The following HMBOX1 variants were observed in gnomAD, a reference collection of about 807,000 sequenced individuals.
The protein encoded by HMBOX1 is homeobox containing 1, also known as homeobox-containing protein 1.
Under a neutral mutation model 54.5 loss-of-function variants are expected in HMBOX1, and 14 were observed. The observed-to-expected ratio is 0.26, with a 90% CI of 0.17 to 0.40. HMBOX1 has a LOEUF of 0.40. HMBOX1 is among the 10% of genes least tolerant of loss of function. The probability of loss-of-function intolerance (pLI) is 1.00; values close to 1 mark genes in which losing one functional copy is unlikely to be tolerated. For missense variants in HMBOX1, 332 were observed against 514.4 expected, an observed-to-expected ratio of 0.65 and a Z score of 3.43; for synonymous variants, 160 against 181.0, an observed-to-expected ratio of 0.88 and a Z score of 0.93.
intron 4 of HMBOX1, among the ~76,000 whole-genome samples, chr8:28,997,527 T>A (rs1190553178): frequency 1.3e-5 from 2 of 152,138 alleles, no homozygotes; most frequent in African/African-American, 2.4e-5. Context: ...GAGTTTTACA[T>A]CTGCATATGT....
chr8:29,003,652 A>G (rs1833018996), intron 4 of HMBOX1, among the ~76,000 whole-genome samples: 3 of 148,590 alleles, frequency 2.0e-5, no homozygotes, highest in African/African-American at 7.4e-5. Flanking sequence ...TACCTTTAGG[A>G]TAGGAAATAA....
chr8:29,024,721 T>A (rs1801752806), intron 6 of HMBOX1, among the ~76,000 whole-genome samples: 1 of 152,206 alleles, frequency 6.6e-6, no homozygotes, highest in Admixed American at 6.5e-5. Flanking sequence ...AATTCTATAC[T>A]GTAGGTATGT....
At chr8:28,928,562 G>C (rs1391562886) in intron 1 of HMBOX1, among the ~76,000 whole-genome samples, 2 of 152,084 alleles carry the variant, frequency 1.3e-5, no homozygotes, top group Non-Finnish European at 2.9e-5. Flanking sequence ...TGCACTCTCA[G>C]GTTCATTTCA....
Position 29,022,509 on chromosome 8 carries a change from C to T in HMBOX1, c.851+3596C>T, listed in dbSNP as rs140372267. ...ACTAATTTCAAAATACAGAAGATGA[C>T]CTAAATGTCTATTTGTAGTAACTAT... On this transcript the variant is annotated intron_variant, in intron 6 of 9. Transcript: ENST00000287701. 2.9e-3 allele frequency among the ~76,000 whole-genome samples: 439 copies of T among 152,164 alleles called. 2 individuals carry two copies. The highest frequency in any genetic ancestry group is 0.01 in the African/African-American group (425 of 41,514).
At chr8:28,961,941 G>A (rs1298989667) in intron 1 of HMBOX1, among the ~76,000 whole-genome samples, 2 of 139,362 alleles carry the variant, frequency 1.4e-5, no homozygotes, top group African/African-American at 2.7e-5. Flanking sequence ...TTTGAGACAG[G>A]GACTCATCAT....
intron 4 of HMBOX1, among the ~76,000 whole-genome samples, chr8:29,002,061 G>T (rs1832747777): frequency 6.6e-6 from 1 of 152,124 alleles, no homozygotes; most frequent in African/African-American, 2.4e-5. Flanking sequence ...CACTCAATTT[G>T]TATTGGCCAG....
intron 6 of HMBOX1, among the ~76,000 whole-genome samples, chr8:29,027,044 C>T (rs1335293073): frequency 1.3e-5 from 2 of 151,994 alleles, no homozygotes; most frequent in East Asian, 1.9e-4. Context: ...GAGGACCTGA[C>T]TAGATTTTAA....
intron 6 of HMBOX1, among the ~76,000 whole-genome samples, chr8:29,038,896 CT>C (rs1406452505): frequency 1.3e-5 from 2 of 152,218 alleles, no homozygotes; most frequent in African/African-American, 2.4e-5. Context: ...TCACAACCCC[CT>C]GTCATACACT....
At chr8:28,943,826 G>A (rs1369780081) in intron 1 of HMBOX1, among the ~76,000 whole-genome samples, 2 of 152,096 alleles carry the variant, frequency 1.3e-5, no homozygotes, top group Non-Finnish European at 2.9e-5. Context: ...CTGTATCAAG[G>A]GATTACATAA....
rs1162477676 is a variant in HMBOX1 at position 28,960,765 on chromosome 8, C to CTTTTTTTTTTTT, written c.-57-3018_-57-3007dup. ...TTATTCTCTTTTTCTTTTTCTTTTT[C>CTTTTTTTTTTTT]TTTTTTTTTTTTTTTTTTTTTTTTT... is the stretch of plus-strand genomic sequence containing the variant. On this transcript the variant is annotated intron_variant, in intron 1 of 9. Coordinates refer to ENST00000287701, the MANE Select transcript of HMBOX1 (RefSeq NM_001135726.3). Among the ~76,000 whole-genome samples the CTTTTTTTTTTTT allele has an allele frequency of 2.1e-3, 34 of 16,254 alleles. 1 individual carries two copies. The highest frequency in any genetic ancestry group is 4.0e-3 in the South Asian group (1 of 248). 10.7% of individuals were successfully genotyped at this position (16,254 alleles called of 152,430 possible). A position where few individuals can be genotyped will look rare whatever the true frequency, so the allele number is the denominator to read the frequency against.
At chr8:29,043,923 C>T (rs1305949377) in intron 6 of HMBOX1, among the ~76,000 whole-genome samples, 12 of 152,076 alleles carry the variant, frequency 7.9e-5, no homozygotes, top group African/African-American at 2.4e-4. Flanking sequence ...GGAAGAGATG[C>T]TCAAATAAAG....
intron 3 of HMBOX1, among the ~76,000 whole-genome samples, chr8:28,976,306 ATG>A (rs1381947228): frequency 3.9e-5 from 6 of 152,234 alleles, no homozygotes; most frequent in Non-Finnish European, 8.8e-5. Flanking sequence ...TTTTGATTCT[ATG>A]TATTACAGAC....
intron 6 of HMBOX1, among the ~76,000 whole-genome samples, chr8:29,033,523 C>T (rs1226938431): frequency 6.6e-6 from 1 of 152,188 alleles, no homozygotes; most frequent in Non-Finnish European, 1.5e-5. Flanking sequence ...AGAAGATGAA[C>T]TGTGCTTAAA....
intron 5 of HMBOX1, among the ~76,000 whole-genome samples, chr8:29,018,072 G>A (rs1192529115): frequency 6.6e-6 from 1 of 152,156 alleles, no homozygotes; most frequent in Admixed American, 6.6e-5. Flanking sequence ...AAAGAAGAGT[G>A]GGGTAGCCAG....
At chr8:29,049,258 T>C in intron 9 of HMBOX1, 1 of 1,526,112 alleles carries the variant, frequency 6.6e-7, no homozygotes, top group South Asian at 1.2e-5. Context: ...GAGATCGTTA[T>C]TCACCCACAT....
intron 1 of HMBOX1, 98 bp downstream of exon 1, chr8:28,890,776 A>G (rs1299751037): frequency 6.6e-6 from 1 of 152,264 alleles, no homozygotes; most frequent in Non-Finnish European, 1.5e-5. Context: ...TTTGGGGAGG[A>G]AGTGAGCGGA....
intron 1 of HMBOX1, among the ~76,000 whole-genome samples, chr8:28,895,117 A>G (rs543147662): frequency 1.8e-4 from 27 of 152,326 alleles, no homozygotes; most frequent in African/African-American, 6.3e-4. Context: ...GGATTGTGAT[A>G]AAAATGTTGA....
At chr8:28,950,834 A>G (rs1586032211) in intron 1 of HMBOX1, among the ~76,000 whole-genome samples, 1 of 152,220 alleles carries the variant, frequency 6.6e-6, no homozygotes, top group Non-Finnish European at 1.5e-5. Context: ...TTTAGATGAC[A>G]TATTTTAGAA....
At chr8:28,980,672 C>T (rs1829184899) in intron 4 of HMBOX1, among the ~76,000 whole-genome samples, 1 of 152,130 alleles carries the variant, frequency 6.6e-6, no homozygotes, top group African/African-American at 2.4e-5. Context: ...TCCACCCCCA[C>T]CTAAGCCCCA....
Sources: gnomAD v4.1 joint callset for allele counts (sites outside exome capture counted in the v4.1 genomes callset) on GRCh38, gnomAD v4.1.1 for gene constraint, MANE v1.5 for transcripts, NCBI Gene and HGNC (gene_info 2026-07-23, HGNC 2026-07-21) for gene names.